The following TBC1D2 variants were observed in gnomAD, a reference collection of about 807,000 sequenced individuals.
TBC1D2 encodes TBC1 domain family member 2A.
In TBC1D2, 58 loss-of-function variants were observed where a neutral mutation model predicts 91.1. The observed-to-expected ratio is 0.64, with a 90% confidence interval of 0.52 to 0.79. TBC1D2 has a LOEUF of 0.79. Ranked by LOEUF, TBC1D2 falls within the 30% of genes least tolerant of loss-of-function variation. The probability of loss-of-function intolerance (pLI) is 0.00; values close to 1 mark genes in which losing one functional copy is unlikely to be tolerated. For synonymous variants in TBC1D2, 482 were observed against 511.5 expected, an observed-to-expected ratio of 0.94 and a Z score of 0.78; for missense variants, 1,080 against 1,208.3, an observed-to-expected ratio of 0.89 and a Z score of 1.57.
At chr9:98,208,538 G>A (rs531117793) in intron 9 of TBC1D2, 130 bp downstream of exon 9, 98 of 857,356 alleles carry the variant, frequency 1.1e-4, no homozygotes, top group African/African-American at 3.0e-4. Flanking sequence ...ATGCTCTCTC[G>A]CCCACTGCTC....
intron 5 of TBC1D2, among the ~76,000 whole-genome samples, chr9:98,224,129 G>A (rs1304726583): frequency 2.0e-5 from 3 of 151,568 alleles, no homozygotes; most frequent in Non-Finnish European, 2.9e-5. Context: ...CCCGGGAGGC[G>A]GAGCTGGCAG....
intron 4 of TBC1D2, among the ~76,000 whole-genome samples, chr9:98,232,354 G>GTTTTTTTTTT (rs746806930): frequency 1.6e-5 from 1 of 61,142 alleles, no homozygotes. Flanking sequence ...TTTTTTTTTT[G>GTTTTTTTTTT]ACAGTGTCTC....
intron 10 of TBC1D2, among the ~76,000 whole-genome samples, chr9:98,201,940 G>A (rs902684991): frequency 6.6e-6 from 1 of 152,120 alleles, no homozygotes; most frequent in Admixed American, 6.5e-5. Context: ...CACGTTCTCC[G>A]CCCGCTCACC....
At chr9:98,200,420 A>G in intron 11 of TBC1D2, 46 bp from the exon 12 acceptor site, 1 of 1,557,452 alleles carries the variant, frequency 6.4e-7, no homozygotes, top group Non-Finnish European at 8.7e-7. Context: ...GGGGCCAGGC[A>G]GGTCATCCCC....
chr9:98,249,024 A>G (rs1588067573), intron 2 of TBC1D2, among the ~76,000 whole-genome samples: 1 of 152,288 alleles, frequency 6.6e-6, no homozygotes, highest in Admixed American at 6.5e-5. Context: ...TTTCAACGAC[A>G]TGGGAGCGGG....
intron 6 of TBC1D2, among the ~76,000 whole-genome samples, chr9:98,214,191 T>TG (rs1320516673): frequency 6.6e-6 from 1 of 151,912 alleles, no homozygotes; most frequent in Non-Finnish European, 1.5e-5. Flanking sequence ...GACTCCGACA[T>TG]GGCCAGGTTG....
intron 9 of TBC1D2, among the ~76,000 whole-genome samples, chr9:98,203,871 T>G (rs1413792615): frequency 6.6e-6 from 1 of 152,186 alleles, no homozygotes; most frequent in Non-Finnish European, 1.5e-5. Flanking sequence ...GCAAGTACAC[T>G]AACCTCTCTG....
intron 2 of TBC1D2, among the ~76,000 whole-genome samples, chr9:98,248,516 G>C (rs1829811396): frequency 6.6e-6 from 1 of 152,240 alleles, no homozygotes; most frequent in African/African-American, 2.4e-5. Context: ...TCCCTAGAGG[G>C]CCCTGGACGA....
At chr9:98,243,751 G>A (rs1178559530) in intron 3 of TBC1D2, among the ~76,000 whole-genome samples, 3 of 152,080 alleles carry the variant, frequency 2.0e-5, no homozygotes, top group Admixed American at 1.3e-4. Flanking sequence ...TGGCCAGGCT[G>A]GTCTCGAACT....
At chr9:98,205,797 A>G (rs1188570139) in intron 9 of TBC1D2, among the ~76,000 whole-genome samples, 1 of 152,128 alleles carries the variant, frequency 6.6e-6, no homozygotes, top group Non-Finnish European at 1.5e-5. Flanking sequence ...CCTGGGCTCA[A>G]GGGATCCACC....
chr9:98,213,406 G>C, intron 6 of TBC1D2, 188 bp from the exon 7 acceptor site: 1 of 1,407,888 alleles, frequency 7.1e-7, no homozygotes, highest in Admixed American at 2.9e-5. Context: ...ATGTCAGCAT[G>C]ATGTGGTAAA....
chr9:98,200,201 G>T, intron 12 of TBC1D2, 52 bp downstream of exon 12: 1 of 1,608,364 alleles, frequency 6.2e-7, no homozygotes, highest in South Asian at 1.1e-5. Flanking sequence ...TCTGCTATGT[G>T]TCCTTGGGGG....
intron 4 of TBC1D2, 102 bp from the exon 5 acceptor site, chr9:98,229,250 T>C (rs1363356321): frequency 5.5e-6 from 6 of 1,100,680 alleles, no homozygotes; most frequent in South Asian, 1.5e-5. Flanking sequence ...AAAATGCGGA[T>C]GGTTGGGCCC....
chr9:98,199,509 C>CT lies in TBC1D2; in HGVS notation c.2658_2659insA (p.Glu887ArgfsTer6). On this transcript the variant is annotated frameshift_variant, in exon 13 of 13. Transcript: ENST00000465784. LOFTEE classifies it low-confidence loss of function (END_TRUNC). ...TCCCGCAGCTCAGCCTCCAGCCGCT[C>CT]CCGGTGGACCATGCGCAGCTGCCGC... 3 of 1,614,204 alleles carry CT rather than the reference C, an allele frequency of 1.9e-6. No homozygotes were observed. The highest frequency in any genetic ancestry group is 2.5e-6 in the Non-Finnish European group (3 of 1,180,048).
intron 10 of TBC1D2, 110 bp downstream of exon 10, chr9:98,203,178 G>GA: frequency 6.6e-7 from 1 of 1,516,274 alleles, no homozygotes; most frequent in Non-Finnish European, 8.9e-7. Context: ...TGCAGAGGGA[G>GA]AAATGGAAGC....
intron 6 of TBC1D2, among the ~76,000 whole-genome samples, chr9:98,217,217 A>G (rs1828992117): frequency 6.6e-6 from 1 of 152,206 alleles, no homozygotes; most frequent in South Asian, 2.1e-4. Flanking sequence ...GGAAAAAGAG[A>G]AACCTCAGAA....
rs199862458 is a variant in TBC1D2, at chr9:98,208,894, G to A, written c.1924C>T (p.Arg642Cys). 29 of 1,614,014 alleles carry A rather than the reference G, an allele frequency of 1.8e-5. No homozygotes were observed. The highest frequency in any genetic ancestry group is 1.6e-4 in the African/African-American group (12 of 74,926). The change falls in exon 9 of 13, where the codon CGT becomes TGT. Residue 642 changes from arginine to cysteine, a missense_variant. Physicochemically the swap from Arg to Cys is radical, Grantham distance 180. Coordinates refer to ENST00000465784, the MANE Select transcript of TBC1D2 (RefSeq NM_001267571.2). ...PRVWRWLVHL[R>C]VQHLHTPGCY... Reference sequence around the variant, plus strand: ...CCTGGAGTGTGCAGGTGCTGGACACGGAGGTGGACCAGCCACCTCCAGACA... The same window carrying A: ...CCTGGAGTGTGCAGGTGCTGGACACAGAGGTGGACCAGCCACCTCCAGACA...
At chr9:98,232,365 ACT>A (rs1479059436) in intron 4 of TBC1D2, among the ~76,000 whole-genome samples, 2 of 48,644 alleles carry the variant, frequency 4.1e-5, no homozygotes, top group African/African-American at 5.8e-4. Context: ...ACAGTGTCTC[ACT>A]CTGTCACCCA....
At chr9:98,203,734 A>C (rs1224284815) in intron 9 of TBC1D2, among the ~76,000 whole-genome samples, 3 of 152,102 alleles carry the variant, frequency 2.0e-5, no homozygotes, top group Admixed American at 2.0e-4. Flanking sequence ...CAGTCTCATA[A>C]TAATCACAGG....
Sources: allele counts gnomAD v4.1 joint callset (sites outside exome capture counted in the v4.1 genomes callset), GRCh38; gene constraint gnomAD v4.1.1; transcripts MANE v1.5; gene names NCBI Gene and HGNC (gene_info 2026-07-23, HGNC 2026-07-21).